MICAL2: variants seen among roughly 807,000 people sequenced by gnomAD.
MICAL2 encodes the protein microtubule associated monooxygenase, calponin and LIM domain containing 2, also known as [F-actin]-monooxygenase MICAL2.
MICAL2 carries 77 observed loss-of-function variants against 127.3 expected under a neutral mutation model. The observed-to-expected ratio is 0.60, with a 90% confidence interval of 0.50 to 0.73. The LOEUF (loss-of-function observed/expected upper bound fraction) is 0.73. Ranked by LOEUF, MICAL2 falls within the 30% of genes least tolerant of loss-of-function variation. MICAL2 has a pLI of 0.00. For missense variants in MICAL2, 1,351 were observed against 1,434.4 expected (o/e 0.94, Z 0.94); for synonymous variants, 570 against 551.1 (o/e 1.03, Z -0.48).
At chr11:12,325,757 T>A (rs1864347434) in intron 31 of MICAL2, among the ~76,000 whole-genome samples, 1 of 152,184 alleles carries the variant, frequency 6.6e-6, no homozygotes, top group African/African-American at 2.4e-5. Context: ...AAAGGCCCTA[T>A]CTCCAAATAT....
chr11:12,180,269 C>T (rs192999799), intron 3 of MICAL2, among the ~76,000 whole-genome samples: 93 of 151,836 alleles, frequency 6.1e-4, no homozygotes, highest in African/African-American at 1.9e-3. Flanking sequence ...GAGGGTTATA[C>T]GCCTTTGTGA....
chr11:12,149,494 C>T (rs946531621), intron 2 of MICAL2, among the ~76,000 whole-genome samples: 19 of 152,152 alleles, frequency 1.2e-4, no homozygotes, highest in Non-Finnish European at 1.9e-4. Context: ...AATGTTTTTA[C>T]GAGATTTTGA....
intron 3 of MICAL2, among the ~76,000 whole-genome samples, chr11:12,181,038 G>A (rs1222254913): frequency 6.6e-6 from 1 of 150,682 alleles, no homozygotes; most frequent in Non-Finnish European, 1.5e-5. Flanking sequence ...CACCCCTGGG[G>A]GTTCAAGCGA....
At chr11:12,133,776 A>G (rs1168226355) in intron 1 of MICAL2, among the ~76,000 whole-genome samples, 1 of 152,224 alleles carries the variant, frequency 6.6e-6, no homozygotes, top group Non-Finnish European at 1.5e-5. Context: ...TTTGAGATTG[A>G]AATAACTAAG....
intron 32 of MICAL2, among the ~76,000 whole-genome samples, chr11:12,329,474 C>A (rs1264523431): frequency 6.6e-6 from 1 of 152,174 alleles, no homozygotes; most frequent in African/African-American, 2.4e-5. Flanking sequence ...CAAGAGGTGG[C>A]ATGGTGGGAA....
intron 30 of MICAL2, among the ~76,000 whole-genome samples, chr11:12,320,861 G>A (rs1387483657): frequency 1.3e-5 from 2 of 151,988 alleles, no homozygotes; most frequent in Non-Finnish European, 2.9e-5. Context: ...AGAGAGTTGA[G>A]GGAGAAAGAT....
intron 32 of MICAL2, among the ~76,000 whole-genome samples, chr11:12,333,772 A>G (rs1290835188): frequency 6.6e-6 from 1 of 152,218 alleles, no homozygotes; most frequent in Non-Finnish European, 1.5e-5. Context: ...TATCACTTAC[A>G]TTAACATCAA....
chr11:12,289,768 C>G (rs1254922672), downstream of MICAL2, among the ~76,000 whole-genome samples: 1 of 152,004 alleles, frequency 6.6e-6, no homozygotes, highest in African/African-American at 2.4e-5. Flanking sequence ...AAGGTTTCGC[C>G]ATGTTGGCCA....
chr11:12,180,530 T>C (rs1045649979), intron 3 of MICAL2, among the ~76,000 whole-genome samples: 8 of 152,154 alleles, frequency 5.3e-5, no homozygotes, highest in African/African-American at 1.7e-4. Context: ...GAATGACTTA[T>C]CCCTTGTTAG....
intron 34 of MICAL2, among the ~76,000 whole-genome samples, chr11:12,356,932 C>A (rs1402504394): frequency 6.6e-6 from 1 of 152,250 alleles, no homozygotes; most frequent in Non-Finnish European, 1.5e-5. Flanking sequence ...TGAACAAGGG[C>A]AGGGCAAGAG....
At chr11:12,158,858 G>C (rs899481980) in intron 2 of MICAL2, among the ~76,000 whole-genome samples, 22 of 152,224 alleles carry the variant, frequency 1.4e-4, no homozygotes, top group Admixed American at 6.5e-5. Flanking sequence ...CAAGTGTTGA[G>C]AGCAGATTCA....
chr11:12,223,357 G>T, intron 11 of MICAL2, 54 bp from the exon 12 acceptor site: 7 of 1,524,996 alleles, frequency 4.6e-6, no homozygotes, highest in Non-Finnish European at 6.4e-6. Flanking sequence ...TAGGGGCCCT[G>T]AGACTAGGAT....
chr11:12,176,998 AT>A (rs1374087585), intron 3 of MICAL2, among the ~76,000 whole-genome samples: 1 of 152,132 alleles, frequency 6.6e-6, no homozygotes, highest in Non-Finnish European at 1.5e-5. Context: ...TCATGCTTTA[AT>A]TCTTTTGGGT....
intron 2 of MICAL2, among the ~76,000 whole-genome samples, chr11:12,158,732 G>A (rs1854462335): frequency 6.6e-6 from 1 of 152,162 alleles, no homozygotes; most frequent in African/African-American, 2.4e-5. Context: ...ATCTGCATGG[G>A]ATCCTGAAAT....
chr11:12,203,846 A>G (rs928316107), intron 3 of MICAL2, among the ~76,000 whole-genome samples: 2 of 152,224 alleles, frequency 1.3e-5, no homozygotes, highest in Non-Finnish European at 2.9e-5. Context: ...CAAGACCACA[A>G]AGATGTACCA....
intron 3 of MICAL2, among the ~76,000 whole-genome samples, chr11:12,168,169 CTT>C (rs1247021886): frequency 1.3e-5 from 2 of 150,426 alleles, no homozygotes; most frequent in African/African-American, 2.4e-5. Context: ...CACACACACA[CTT>C]ATGCACACAT....
chr11:12,354,319 A>G (rs756275257), intron 33 of MICAL2, among the ~76,000 whole-genome samples: 3 of 152,216 alleles, frequency 2.0e-5, no homozygotes, highest in Non-Finnish European at 2.9e-5. Flanking sequence ...TCTACTAAAA[A>G]GACAAAAATT....
At chr11:12,228,352 C>G (rs1254200530) in intron 15 of MICAL2, among the ~76,000 whole-genome samples, 2 of 151,990 alleles carry the variant, frequency 1.3e-5, no homozygotes, top group East Asian at 3.9e-4. Flanking sequence ...AAATTGGAGG[C>G]CTAGAGAGGC....
intron 21 of MICAL2, among the ~76,000 whole-genome samples, chr11:12,244,841 T>A (rs914752646): frequency 4.6e-5 from 7 of 152,146 alleles, no homozygotes; most frequent in African/African-American, 1.7e-4. Context: ...AGAGTGGAAG[T>A]GAGCACACTC....
Sources: allele counts gnomAD v4.1 joint callset (sites outside exome capture counted in the v4.1 genomes callset), GRCh38; gene constraint gnomAD v4.1.1; transcripts MANE v1.5; gene names NCBI Gene and HGNC (gene_info 2026-07-23, HGNC 2026-07-21).